Variants in ANK3 observed in about 807,000 individuals in gnomAD.
ANK3 encodes the protein ankyrin-3.
In ANK3, 57 loss-of-function variants were observed where a neutral mutation model predicts 370.9. That is an observed-to-expected ratio of 0.15 (90% CI 0.12 to 0.19). ANK3 has a LOEUF of 0.19. Ranked by LOEUF, ANK3 falls within the 10% of genes least tolerant of loss-of-function variation. The probability of loss-of-function intolerance (pLI) is 1.00; values close to 1 mark genes in which losing one functional copy is unlikely to be tolerated. For missense variants in ANK3, 4,439 were observed against 5,302.1 expected (o/e 0.84, Z 5.06); for synonymous variants, 1,929 against 1,946.3 (o/e 0.99, Z 0.23).
intron 2 of ANK3, among the ~76,000 whole-genome samples, chr10:60,566,191 A>G (rs998619928): frequency 3.3e-5 from 5 of 152,222 alleles, no homozygotes; most frequent in African/African-American, 1.2e-4. Context: ...TTAATTAGTA[A>G]ATGTTGTATG....
At chr10:60,361,590 C>A (rs1030406739) in intron 1 of ANK3, among the ~76,000 whole-genome samples, 1 of 152,082 alleles carries the variant, frequency 6.6e-6, no homozygotes, top group African/African-American at 2.4e-5. Flanking sequence ...TCACTTTATT[C>A]AGTAAGAAAG....
intron 5 of ANK3, among the ~76,000 whole-genome samples, chr10:60,267,819 T>A (rs1234332739): frequency 6.6e-6 from 1 of 152,170 alleles, no homozygotes; most frequent in African/African-American, 2.4e-5. Context: ...TCACTTTCAT[T>A]AGGTTATTTA....
intron 16 of ANK3, among the ~76,000 whole-genome samples, chr10:60,193,284 G>A (rs911704341): frequency 2.0e-5 from 3 of 152,198 alleles, no homozygotes; most frequent in Non-Finnish European, 2.9e-5. Context: ...TGCAGATAGA[G>A]AACTATGAAT....
rs144571708 is a variant in ANK3 at position 60,606,957 on chromosome 10, A to G, written c.96+8229T>C. ...ATAACAGATGTATGGAACACACCCA[A>G]CAAGCTGTTGCATATTGAGTTCAAG... On this transcript the variant is annotated intron_variant, in intron 2 of 43. Coordinates refer to the ANK3 transcript ENST00000373827. 1.2e-4 allele frequency among the ~76,000 whole-genome samples: 19 copies of G among 152,316 alleles called. 1 individual carries two copies. Among genetic ancestry groups the G allele is most frequent in the East Asian group, 1.2e-3 (6 of 5,182 alleles).
At chr10:60,700,601 C>T (rs2079532792) in intron 1 of ANK3, among the ~76,000 whole-genome samples, 3 of 152,132 alleles carry the variant, frequency 2.0e-5, no homozygotes, top group Non-Finnish European at 1.5e-5. Flanking sequence ...TTAAAACAGT[C>T]TGGTATTGAA....
chr10:60,732,127 T>A (rs1340913519), intron 1 of ANK3, among the ~76,000 whole-genome samples: 1 of 152,194 alleles, frequency 6.6e-6, no homozygotes, highest in Non-Finnish European at 1.5e-5. Flanking sequence ...GCCTCATTTT[T>A]AAAACATGTA....
intron 2 of ANK3, among the ~76,000 whole-genome samples, chr10:60,480,624 C>A (rs531970218): frequency 2.0e-5 from 3 of 152,066 alleles, no homozygotes; most frequent in Non-Finnish European, 4.4e-5. Flanking sequence ...ATAAATAAGA[C>A]AGAGTTTACC....
intron 28 of ANK3, among the ~76,000 whole-genome samples, chr10:60,089,495 GTGTGTGTGTGTGTA>G (rs2087636668): frequency 1.4e-5 from 2 of 140,972 alleles, no homozygotes; most frequent in Admixed American, 7.2e-5. Flanking sequence ...GTGTGTGTGT[GTGTGTGTGTGTGTA>G]TGTATGTGTG....
intron 2 of ANK3, among the ~76,000 whole-genome samples, chr10:60,490,027 A>G (rs1366007656): frequency 8.7e-6 from 1 of 115,488 alleles, no homozygotes; most frequent in Non-Finnish European, 1.9e-5. Flanking sequence ...CCTAGTGCAC[A>G]CTCCCCACTT....
chr10:60,489,227 G>A (rs1595133030), intron 2 of ANK3, among the ~76,000 whole-genome samples: 1 of 152,278 alleles, frequency 6.6e-6, no homozygotes, highest in Middle Eastern at 3.4e-3. Context: ...AATGCACAGT[G>A]AATTTAATCA....
At chr10:60,731,565 T>A (rs1321260071) in intron 1 of ANK3, among the ~76,000 whole-genome samples, 1 of 152,238 alleles carries the variant, frequency 6.6e-6, no homozygotes, top group Non-Finnish European at 1.5e-5. Flanking sequence ...CCTCCAGATA[T>A]TAGTAGCTGA....
In ANK3 at chr10:60,095,359, C is replaced by T. The variant is rs1352975385; in HGVS notation, c.3329-7001G>A. On this transcript the variant is annotated intron_variant, in intron 28 of 43. Transcript: ENST00000280772. ...TATAAAATATACGTACTAGTAGAGACTGGTTATTGTTTGTTCTTTTAGATT... is the reference window on the plus strand; with the variant it reads ...TATAAAATATACGTACTAGTAGAGATTGGTTATTGTTTGTTCTTTTAGATT... Among the ~76,000 whole-genome samples the T allele has an allele frequency of 3.9e-5, 6 of 152,258 alleles. No homozygotes were observed. The South Asian group carries it at 1.2e-3, about 32-fold the overall frequency.
intron 2 of ANK3, chr10:60,615,054 C>A: frequency 1.7e-6 from 1 of 579,660 alleles, no homozygotes; most frequent in Non-Finnish European, 2.7e-6. Context: ...ATAACAACAA[C>A]AACAACAATA....
chr10:60,483,725 C>T lies in ANK3; in HGVS notation c.96+131461G>A, dbSNP rs181727349. Among the ~76,000 whole-genome samples the T allele has an allele frequency of 9.9e-5, 15 of 152,244 alleles. No homozygotes were observed. In the East Asian group the frequency reaches 2.9e-3, roughly 29 times the overall value. ...TGTTTTCTCGACCTCCCCCTCCAGC[C>T]CCCAGGAACTCATGGAGCCCTCACC... On this transcript the variant is annotated intron_variant, in intron 2 of 43. Transcript: ENST00000373827.
chr10:60,570,312 A>G (rs2077561432), intron 2 of ANK3, among the ~76,000 whole-genome samples: 1 of 152,156 alleles, frequency 6.6e-6, no homozygotes, highest in Non-Finnish European at 1.5e-5. Context: ...AAAGAAGCAG[A>G]ATGTGTTAAG....
At chr10:60,100,234 G>GTTCTTTTT (rs2090964724) in intron 28 of ANK3, among the ~76,000 whole-genome samples, 1 of 57,898 alleles carries the variant, frequency 1.7e-5, no homozygotes, top group Non-Finnish European at 2.8e-5. Context: ...TTTTGCTATG[G>GTTCTTTTT]TTTTTTTTTT....
intron 2 of ANK3, among the ~76,000 whole-genome samples, chr10:60,468,432 G>T (rs1340759804): frequency 1.3e-5 from 2 of 152,044 alleles, no homozygotes; most frequent in African/African-American, 2.4e-5. Context: ...AAAGAAAAAG[G>T]AACAGCAATA....
intron 1 of ANK3, among the ~76,000 whole-genome samples, chr10:60,687,533 A>ACACACACACACACACACACAC (rs375712984): frequency 2.9e-5 from 2 of 68,508 alleles, no homozygotes; most frequent in African/African-American, 9.6e-5. Context: ...GGTATAAAAA[A>ACACACACACACACACACACAC]AAACACACAC....
chr10:60,685,101 T>C (rs984957629), intron 1 of ANK3: 2 of 1,093,414 alleles, frequency 1.8e-6, no homozygotes, highest in Middle Eastern at 4.4e-4. Flanking sequence ...ATTATATCTG[T>C]GTGGAGGAGG....
Sources: gnomAD v4.1 joint callset for allele counts (sites outside exome capture counted in the v4.1 genomes callset) on GRCh38, gnomAD v4.1.1 for gene constraint, MANE v1.5 for transcripts, NCBI Gene and HGNC (gene_info 2026-07-23, HGNC 2026-07-21) for gene names.